DIAPH2: variants seen among roughly 807,000 people sequenced by gnomAD.
The protein encoded by DIAPH2 is diaphanous related formin 2.
Under a neutral mutation model 92.7 loss-of-function variants are expected in DIAPH2, and 35 were observed. The observed-to-expected ratio is 0.38, with a 90% CI of 0.29 to 0.50. The LOEUF is 0.50. DIAPH2 is among the 20% of genes least tolerant of loss of function. DIAPH2 has a pLI of 0.94. For missense variants in DIAPH2, 701 were observed against 819.5 expected, an observed-to-expected ratio of 0.86 and a Z score of 1.77; for synonymous variants, 301 against 280.4, an observed-to-expected ratio of 1.07 and a Z score of -0.73.
intron 1 of DIAPH2, among the ~76,000 whole-genome samples, chrX:96,703,450 CT>C (rs772554851): frequency 8.9e-6 from 1 of 111,771 alleles, no homozygotes; most frequent in East Asian, 2.8e-4. Context: ...ATAGTGTGTA[CT>C]TTGATAACTT....
chrX:97,278,151 G>C (rs1400930877), intron 23 of DIAPH2, among the ~76,000 whole-genome samples: 2 of 112,211 alleles, frequency 1.8e-5, no homozygotes, highest in Non-Finnish European at 3.8e-5. Flanking sequence ...ATCAAGAAGA[G>C]CTTTTTAACT....
intron 4 of DIAPH2, among the ~76,000 whole-genome samples, chrX:96,792,532 A>G (rs2064508828): frequency 8.9e-6 from 1 of 112,172 alleles, no homozygotes; most frequent in African/African-American, 3.2e-5. Flanking sequence ...TTACTGCTTA[A>G]GCATTTTATT....
chrX:97,451,596 A>G (rs2070359364), intron 26 of DIAPH2, among the ~76,000 whole-genome samples: 1 of 111,963 alleles, frequency 8.9e-6, no homozygotes, highest in African/African-American at 3.2e-5. Flanking sequence ...ATTTATTTCT[A>G]TTATATAATT....
intron 26 of DIAPH2, among the ~76,000 whole-genome samples, chrX:97,573,098 A>G (rs2071379805): frequency 9.0e-6 from 1 of 111,622 alleles, no homozygotes; most frequent in Non-Finnish European, 1.9e-5. Flanking sequence ...GTTAGTCAGA[A>G]TAATTAAGTT....
At chrX:96,811,276 G>A (rs935378771) in intron 4 of DIAPH2, among the ~76,000 whole-genome samples, 1 of 111,253 alleles carries the variant, frequency 9.0e-6, no homozygotes, top group Non-Finnish European at 1.9e-5. Context: ...TCTCTTTGAA[G>A]CAATTGTGAA....
At chrX:97,259,778 A>G (rs776954677) in intron 23 of DIAPH2, among the ~76,000 whole-genome samples, 2 of 112,409 alleles carry the variant, frequency 1.8e-5, no homozygotes, top group East Asian at 2.8e-4. Context: ...AAGATCTTTT[A>G]TCTTCTCATG....
chrX:97,114,690 A>C (rs1468538046), intron 20 of DIAPH2, 36 bp from the exon 21 acceptor site: 2 of 1,139,542 alleles, frequency 1.8e-6, no homozygotes, highest in South Asian at 4.6e-5. Context: ...AGAGGCATTA[A>C]ATGTATATTC....
At chrX:96,704,413 G>A (rs1432621942) in intron 1 of DIAPH2, among the ~76,000 whole-genome samples, 1 of 111,717 alleles carries the variant, frequency 9.0e-6, no homozygotes, top group African/African-American at 3.3e-5. Flanking sequence ...ATATTGCCTG[G>A]CCTTTTTCTC....
At chrX:97,087,517 T>G (rs2066792015) in intron 19 of DIAPH2, among the ~76,000 whole-genome samples, 1 of 111,618 alleles carries the variant, frequency 9.0e-6, no homozygotes, top group African/African-American at 3.3e-5. Context: ...GGAAAAAAAA[T>G]TCTTTTGGGT....
intron 23 of DIAPH2, among the ~76,000 whole-genome samples, chrX:97,263,791 T>C (rs2068309504): frequency 9.1e-6 from 1 of 110,000 alleles, no homozygotes; most frequent in Admixed American, 9.8e-5. Context: ...TTCACCATGT[T>C]GGCCAGGCTG....
intron 17 of DIAPH2, among the ~76,000 whole-genome samples, chrX:96,981,679 T>C (rs2065998646): frequency 8.9e-6 from 1 of 111,741 alleles, no homozygotes; most frequent in Non-Finnish European, 1.9e-5. Flanking sequence ...TCAAGCAGGG[T>C]GATTCCGTAG....
chrX:97,569,274 A>G (rs191941593), intron 26 of DIAPH2, among the ~76,000 whole-genome samples: 97 of 112,325 alleles, frequency 8.6e-4, no homozygotes, highest in Admixed American at 4.4e-3. Flanking sequence ...TGAAGTTACC[A>G]GAGAGGGCAG....
chrX:97,158,766 C>T (rs1028993876), intron 22 of DIAPH2, among the ~76,000 whole-genome samples: 12 of 111,735 alleles, frequency 1.1e-4, no homozygotes, highest in Admixed American at 4.8e-4. Context: ...TTTGCTGGGC[C>T]CTTTATTATT....
chrX:96,821,697 C>T, intron 4 of DIAPH2, among the ~76,000 whole-genome samples: 1 of 111,629 alleles, frequency 9.0e-6, no homozygotes. Context: ...AGTCTTAAAT[C>T]TCATATCAGT....
chrX:96,863,317 A>G (rs1404629907), intron 4 of DIAPH2, among the ~76,000 whole-genome samples: 1 of 82,776 alleles, frequency 1.2e-5, no homozygotes, highest in African/African-American at 4.8e-5. Context: ...TTTTTCTTTC[A>G]CCTCTCAACT....
chrX:97,004,298 AG>A (rs1274532013), intron 17 of DIAPH2, among the ~76,000 whole-genome samples: 25 of 111,642 alleles, frequency 2.2e-4, no homozygotes, highest in African/African-American at 7.5e-4. Context: ...TAAAAGTTGT[AG>A]GATTTTTTTC....
At chrX:97,153,337 C>G (rs951318272) in intron 22 of DIAPH2, among the ~76,000 whole-genome samples, 2 of 111,282 alleles carry the variant, frequency 1.8e-5, no homozygotes, top group Non-Finnish European at 3.8e-5. Flanking sequence ...AATCCCAGCA[C>G]TTTGGGAGGC....
chrX:96,925,556 T>A (rs182022445), intron 9 of DIAPH2, among the ~76,000 whole-genome samples: 84 of 111,543 alleles, frequency 7.5e-4, no homozygotes, highest in African/African-American at 2.2e-3. Flanking sequence ...TATGTTCTAT[T>A]CTTCATTATG....
intron 17 of DIAPH2, among the ~76,000 whole-genome samples, chrX:96,984,563 T>C (rs1318136915): frequency 9.0e-6 from 1 of 111,698 alleles, no homozygotes; most frequent in Non-Finnish European, 1.9e-5. Context: ...TCTCCATTAT[T>C]TGTCTCTTGC....
Sources: gnomAD v4.1 joint callset for allele counts (sites outside exome capture counted in the v4.1 genomes callset) on GRCh38, gnomAD v4.1.1 for gene constraint, MANE v1.5 for transcripts, NCBI Gene and HGNC (gene_info 2026-07-23, HGNC 2026-07-21) for gene names.